The following KIAA1671 variants were observed in gnomAD, a reference collection of about 807,000 sequenced individuals.
The protein encoded by KIAA1671 is KIAA1671, also known as uncharacterized protein KIAA1671.
In KIAA1671, 52 loss-of-function variants were observed where a neutral mutation model predicts 131.2. The ratio of observed to expected loss-of-function variants is 0.40; its 90% CI spans 0.32 to 0.50. The LOEUF is 0.50. KIAA1671 is among the 20% of genes least tolerant of loss of function. The pLI, the probability that KIAA1671 is intolerant of heterozygous loss-of-function variation, is 0.73. For missense variants in KIAA1671, 2,360 were observed against 2,364.2 expected, an observed-to-expected ratio of 1.00 and a Z score of 0.04; for synonymous variants, 1,003 against 961.6, an observed-to-expected ratio of 1.04 and a Z score of -0.80.
At chr22:25,124,104 A>G (rs1932069264) in intron 6 of KIAA1671, among the ~76,000 whole-genome samples, 1 of 152,172 alleles carries the variant, frequency 6.6e-6, no homozygotes. Context: ...TCAGGCTCCC[A>G]GGGGCTTTTG....
At chr22:25,097,291 G>A (rs552080039) in intron 6 of KIAA1671, among the ~76,000 whole-genome samples, 26 of 152,230 alleles carry the variant, frequency 1.7e-4, no homozygotes, top group African/African-American at 6.3e-4. Context: ...GTACAATGGT[G>A]TTGTTTCATC....
At chr22:24,986,694 T>A (rs1050035124) in intron 1 of KIAA1671, among the ~76,000 whole-genome samples, 10 of 82,108 alleles carry the variant, frequency 1.2e-4, no homozygotes, top group Non-Finnish European at 2.4e-4. Context: ...CACCCACCCA[T>A]CCATCCATCC....
chr22:24,988,371 G>A (rs763220291), intron 1 of KIAA1671, among the ~76,000 whole-genome samples: 3 of 151,534 alleles, frequency 2.0e-5, no homozygotes, highest in East Asian at 1.9e-4. Flanking sequence ...TCTGACCCCC[G>A]CTCAGTGGGA....
intron 1 of KIAA1671, among the ~76,000 whole-genome samples, chr22:25,004,810 G>A (rs1289587657): frequency 5.9e-5 from 9 of 151,898 alleles, no homozygotes; most frequent in Non-Finnish European, 1.3e-4. Flanking sequence ...GCCGGGCGTG[G>A]TGGCGGGCAC....
intron 6 of KIAA1671, among the ~76,000 whole-genome samples, chr22:25,098,463 A>G (rs1930495528): frequency 6.6e-6 from 1 of 152,244 alleles, no homozygotes; most frequent in Non-Finnish European, 1.5e-5. Context: ...AGTAATAAAT[A>G]AACAATTAGG....
At chr22:25,081,726 A>G (rs1929417876) in intron 6 of KIAA1671, among the ~76,000 whole-genome samples, 1 of 152,026 alleles carries the variant, frequency 6.6e-6, no homozygotes, top group African/African-American at 2.4e-5. Flanking sequence ...AATTTTGCAA[A>G]TGAGGACACC....
chr22:25,146,508 T>A (rs1019729889), intron 6 of KIAA1671, among the ~76,000 whole-genome samples: 2 of 152,146 alleles, frequency 1.3e-5, no homozygotes, highest in Non-Finnish European at 2.9e-5. Flanking sequence ...TGCTGCCAAG[T>A]TGTTACCATG....
chr22:25,067,040 G>C (rs868835861), intron 6 of KIAA1671, among the ~76,000 whole-genome samples: 1 of 152,098 alleles, frequency 6.6e-6, no homozygotes, highest in Non-Finnish European at 1.5e-5. Flanking sequence ...GGGCTGCCTC[G>C]GCCCACGGGT....
intron 6 of KIAA1671, among the ~76,000 whole-genome samples, chr22:25,084,311 C>A (rs1055774845): frequency 5.3e-5 from 8 of 152,076 alleles, no homozygotes; most frequent in Non-Finnish European, 7.4e-5. Context: ...TTCATCTCTA[C>A]TAAAAATACA....
Position 25,041,206 on chromosome 22 carries a change from G to C in KIAA1671, c.4076G>C (p.Gly1359Ala), listed in dbSNP as rs761045180. Reference sequence around the variant, plus strand: ...TCTGGTCGGGAGGATCCAGGCAGTGGGGTCAGGGTGTCACCCAAATCGCCC... The same window carrying C: ...TCTGGTCGGGAGGATCCAGGCAGTGCGGTCAGGGTGTCACCCAAATCGCCC... ...KPSGREDPGS[G>A]VRVSPKSPPT... The change falls in exon 5 of 13, where the codon GGG becomes GCG. Residue 1359 changes from glycine to alanine, a missense_variant. Gly to Ala is a moderately conservative substitution (Grantham distance 60, BLOSUM62 0). Transcript: ENST00000358431. The C allele has an allele frequency of 1.9e-6, 3 of 1,551,670 alleles. No homozygotes were observed. In the African/African-American group the frequency reaches 4.1e-5, roughly 21 times the overall value.
intron 6 of KIAA1671, among the ~76,000 whole-genome samples, chr22:25,101,221 G>A (rs1930648964): frequency 6.6e-6 from 1 of 152,208 alleles, no homozygotes; most frequent in African/African-American, 2.4e-5. Context: ...GGCCCAGGGA[G>A]ATAAGTCAGG....
rs541042431 is a variant in KIAA1671, at chr22:25,124,251, C to T, written c.4531-46569C>T. On this transcript the variant is annotated intron_variant, in intron 6 of 12. Coordinates refer to ENST00000358431, the MANE Select transcript of KIAA1671 (RefSeq NM_001145206.2). ...GAGCTGGGCCATAAACAGCAGCGAC[C>T]GCTATGCAGAGATATGAGAGCATGG... Among the ~76,000 whole-genome samples the T allele has an allele frequency of 9.8e-4, 150 of 152,296 alleles. 1 individual carries two copies. The highest frequency in any genetic ancestry group is 3.4e-3 in the African/African-American group (140 of 41,568).
chr22:25,173,461 A>C (rs1933918166), intron 7 of KIAA1671, among the ~76,000 whole-genome samples: 1 of 152,202 alleles, frequency 6.6e-6, no homozygotes, highest in African/African-American at 2.4e-5. Flanking sequence ...TGCAGGTCCC[A>C]CCACCTGCTC....
intron 6 of KIAA1671, among the ~76,000 whole-genome samples, chr22:25,145,239 A>G (rs554688490): frequency 2.0e-5 from 3 of 152,250 alleles, no homozygotes; most frequent in South Asian, 4.1e-4. Context: ...AAAAAATACC[A>G]CCGGCTCTTT....
chr22:25,008,811 A>C (rs1055387523), intron 1 of KIAA1671, among the ~76,000 whole-genome samples: 2 of 152,234 alleles, frequency 1.3e-5, no homozygotes, highest in African/African-American at 4.8e-5. Flanking sequence ...TAAACTTGCA[A>C]TGGTTCACTG....
At chr22:24,973,045 C>G (rs1340397096) in intron 1 of KIAA1671, among the ~76,000 whole-genome samples, 1 of 151,992 alleles carries the variant, frequency 6.6e-6, no homozygotes, top group African/African-American at 2.4e-5. Flanking sequence ...GTGCAAAGGC[C>G]CCCAGGCAGG....
At chr22:25,170,786 T>C (rs1264681556) in intron 6 of KIAA1671, 34 bp from the exon 7 acceptor site, 23 of 1,544,362 alleles carry the variant, frequency 1.5e-5, no homozygotes, top group Non-Finnish European at 2.0e-5. Flanking sequence ...GTACATTTCC[T>C]GGTAGAAATC....
chr22:25,119,708 G>A (rs1161464379), intron 6 of KIAA1671, among the ~76,000 whole-genome samples: 1 of 152,234 alleles, frequency 6.6e-6, no homozygotes, highest in Non-Finnish European at 1.5e-5. Context: ...AGGTGACATT[G>A]GAGCAGAGAC....
rs796891831 is a variant in KIAA1671 at position 25,021,333 on chromosome 22, A to T, written c.-207-4300A>T. ...CTCCGCCTCCCAAAGTGCTGGGATT[A>T]TAGGCATGAGACATTGCGCCTGGCC... On this transcript the variant is annotated intron_variant, in intron 1 of 12. Coordinates refer to ENST00000358431, the MANE Select transcript of KIAA1671 (RefSeq NM_001145206.2). Among the ~76,000 whole-genome samples the T allele has an allele frequency of 9.8e-3, 1,488 of 152,086 alleles. 23 individuals are homozygous for T. Among genetic ancestry groups the T allele is most frequent in the African/African-American group, 0.034 (1,421 of 41,392 alleles).
Sources: gnomAD v4.1 joint callset for allele counts (sites outside exome capture counted in the v4.1 genomes callset) on GRCh38, gnomAD v4.1.1 for gene constraint, MANE v1.5 for transcripts, NCBI Gene and HGNC (gene_info 2026-07-23, HGNC 2026-07-21) for gene names.